Variants in RYR2 observed in about 807,000 individuals in gnomAD.
RYR2 encodes the protein ryanodine receptor 2, also known as cardiac muscle ryanodine receptor-calcium release channel.
In RYR2, 227 loss-of-function variants were observed where a neutral mutation model predicts 601.1. That is an observed-to-expected ratio of 0.38 (90% CI 0.34 to 0.42). The LOEUF is 0.42. RYR2 is among the 10% of genes least tolerant of loss of function. RYR2 has a pLI of 1.00. For missense variants in RYR2, 4,646 were observed against 6,156.5 expected (o/e 0.75, Z 8.21); for synonymous variants, 2,223 against 2,175.1 (o/e 1.02, Z -0.61).
rs899597750 is a variant in RYR2, at chr1:237,517,411, C to G, written c.2822+5620C>G. ...TCCTTCTAGACCAGGGGTGTCCAATCTTTTTGCTTCCCTGGGCCACATTGG... is the reference window on the plus strand; with the variant it reads ...TCCTTCTAGACCAGGGGTGTCCAATGTTTTTGCTTCCCTGGGCCACATTGG... On this transcript the variant is annotated intron_variant, in intron 24 of 104. Coordinates refer to ENST00000366574, the MANE Select transcript of RYR2 (RefSeq NM_001035.3). Among the ~76,000 whole-genome samples, 3 of 152,326 alleles carry G rather than the reference C, an allele frequency of 2.0e-5. No individual in the cohort carries two copies. The South Asian group carries it at 6.2e-4, about 32-fold the overall frequency.
chr1:237,593,647 C>G lies in RYR2; in HGVS notation c.4436+11C>G. The G allele has an allele frequency of 6.2e-7, 1 of 1,612,834 alleles. No individual in the cohort carries two copies. Among genetic ancestry groups the G allele is most frequent in the Non-Finnish European group, 8.5e-7 (1 of 1,179,372 alleles). ...AAAAGTGCATGAAAGGTTAGTTTTCCTCAATTTTTTGCAAGAATGACATGT... is the reference window on the plus strand; with the variant it reads ...AAAAGTGCATGAAAGGTTAGTTTTCGTCAATTTTTTGCAAGAATGACATGT... On this transcript the variant is annotated intron_variant, in intron 33 of 104. Transcript: ENST00000366574.
chr1:237,430,493 G>T (rs1706697647), intron 12 of RYR2, among the ~76,000 whole-genome samples: 1 of 151,916 alleles, frequency 6.6e-6, no homozygotes. Context: ...AGTTGTGGAA[G>T]GATATACACT....
At chr1:237,139,706 T>C (rs1369583057) in intron 1 of RYR2, among the ~76,000 whole-genome samples, 1 of 152,234 alleles carries the variant, frequency 6.6e-6, no homozygotes, top group Non-Finnish European at 1.5e-5. Flanking sequence ...TCACCTCTTC[T>C]GGCATGCCTA....
chr1:237,655,593 A>AT (rs1683167498), intron 52 of RYR2, among the ~76,000 whole-genome samples: 1 of 152,170 alleles, frequency 6.6e-6, no homozygotes, highest in Non-Finnish European at 1.5e-5. Flanking sequence ...AGAGTCAAAG[A>AT]TTTTATTCTC....
intron 34 of RYR2, among the ~76,000 whole-genome samples, chr1:237,597,310 A>T (rs1214579268): frequency 8.2e-5 from 12 of 145,982 alleles, no homozygotes; most frequent in African/African-American, 2.5e-4. Flanking sequence ...TTTTTTTTTG[A>T]GACAGAGTCT....
At chr1:237,248,887 G>C (rs910018776) in intron 1 of RYR2, among the ~76,000 whole-genome samples, 1 of 151,272 alleles carries the variant, frequency 6.6e-6, no homozygotes, top group Non-Finnish European at 1.5e-5. Context: ...TCAGCCTCCT[G>C]AGTAGCTGGG....
At chr1:237,334,368 T>C (rs962566433) in intron 3 of RYR2, among the ~76,000 whole-genome samples, 1 of 151,856 alleles carries the variant, frequency 6.6e-6, no homozygotes, top group Non-Finnish European at 1.5e-5. Context: ...AAATAACTCA[T>C]ATTTTTGTGG....
At chr1:237,717,539 A>G (rs1293189586) in intron 72 of RYR2, among the ~76,000 whole-genome samples, 171 bp downstream of exon 72, 1 of 152,144 alleles carries the variant, frequency 6.6e-6, no homozygotes, top group East Asian at 1.9e-4. Context: ...TCTTTTTTTG[A>G]GGCTGTTTTT....
At position 237,207,569 on chromosome 1, in the gene RYR2, C is replaced by T. The variant is rs192606055; in HGVS notation, c.49-62928C>T. On this transcript the variant is annotated intron_variant, in intron 1 of 104. Coordinates refer to ENST00000366574, the MANE Select transcript of RYR2 (RefSeq NM_001035.3). The stretch of plus-strand genomic sequence containing the variant: ...CGACAGAGCAGGAGGCTTCATGCAG[C>T]CTTCATCTTCTTTTGCCCTTCTGCC... Among the ~76,000 whole-genome samples the T allele has an allele frequency of 6.6e-4, 100 of 152,242 alleles. 1 individual carries two copies. Among genetic ancestry groups the T allele is most frequent in the African/African-American group, 2.2e-3 (93 of 41,550 alleles).
At chr1:237,357,949 G>T (rs1699442895) in intron 4 of RYR2, among the ~76,000 whole-genome samples, 1 of 152,164 alleles carries the variant, frequency 6.6e-6, no homozygotes, top group Admixed American at 6.5e-5. Context: ...AAATGTTGCA[G>T]CAAATTTTAG....
chr1:237,672,049 A>G (rs1684995749), intron 58 of RYR2, among the ~76,000 whole-genome samples: 1 of 152,110 alleles, frequency 6.6e-6, no homozygotes, highest in South Asian at 2.1e-4. Flanking sequence ...TCAGCACAAG[A>G]TGTCTACACC....
At chr1:237,806,089 T>A (rs769546262) in intron 98 of RYR2, 48 bp from the exon 99 acceptor site, 2 of 1,557,898 alleles carry the variant, frequency 1.3e-6, no homozygotes, top group Non-Finnish European at 1.8e-6. Context: ...ACAATAGTCA[T>A]GCGTTCTGTT....
At chr1:237,142,027 C>A (rs1303876897) in intron 1 of RYR2, among the ~76,000 whole-genome samples, 3 of 152,230 alleles carry the variant, frequency 2.0e-5, no homozygotes, top group Non-Finnish European at 4.4e-5. Context: ...TTACAGCCAG[C>A]CAATCAGATA....
intron 10 of RYR2, among the ~76,000 whole-genome samples, chr1:237,411,865 A>G (rs951164405): frequency 6.6e-6 from 1 of 152,172 alleles, no homozygotes; most frequent in African/African-American, 2.4e-5. Context: ...CTGTGGCAGC[A>G]CTCACAATGA....
rs780949229 is a variant in RYR2 at position 237,548,552 on chromosome 1, G to A, written c.3028G>A (p.Asp1010Asn). The change falls in exon 26 of 105, where the codon GAT becomes AAT. Residue 1010 changes from aspartate (D) to asparagine (N), a missense_variant. Around this residue, in one of 17 missense-constraint regions of RYR2, gnomAD observed 1,807 missense variants for 2,088.1 expected, o/e 0.87. Transcript: ENST00000366574. The stretch of plus-strand genomic sequence containing the variant: ...AAATGCACATAATGTGTGGGCGCGG[G>A]ATCGAATCCGGCAGGGCTGGACTTA... ...AENAHNVWAR[D>N]RIRQGWTYGI... The A allele has an allele frequency of 3.1e-6, 5 of 1,613,980 alleles. No individual in the cohort carries two copies. The highest frequency in any genetic ancestry group is 4.2e-6 in the Non-Finnish European group (5 of 1,179,882).
intron 16 of RYR2, among the ~76,000 whole-genome samples, chr1:237,457,049 C>A (rs1658921038): frequency 6.6e-6 from 1 of 152,128 alleles, no homozygotes; most frequent in Admixed American, 6.5e-5. Flanking sequence ...GTATTAAAAT[C>A]CATCTCTGAG....
Position 237,423,212 on chromosome 1 carries a change from T to C in RYR2, c.969T>C (p.Asp323=). The C allele has an allele frequency of 6.2e-7, 1 of 1,613,754 alleles. No homozygotes were observed. Residue 323 remains aspartate, a synonymous_variant, in exon 12 of 105, where the codon GAT becomes GAC. Transcript: ENST00000366574. ...TACTCATGGACAAAGAGAAAGCTGA[T>C]GTAAAATCAACAGCATTTACCTTCC... The part of the protein sequence containing the change: ...NLLLMDKEKA[D]VKSTAFTFRS...
intron 25 of RYR2, among the ~76,000 whole-genome samples, chr1:237,545,283 C>A (rs777632388): frequency 6.6e-6 from 1 of 152,222 alleles, no homozygotes; most frequent in Non-Finnish European, 1.5e-5. Flanking sequence ...CATAACTTGT[C>A]TATAAGTTTT....
At chr1:237,046,966 G>A (rs1660676482) in intron 1 of RYR2, among the ~76,000 whole-genome samples, 1 of 152,142 alleles carries the variant, frequency 6.6e-6, no homozygotes, top group Non-Finnish European at 1.5e-5. Flanking sequence ...GCAATCAGAA[G>A]GAAAAATGCA....
Sources: allele counts gnomAD v4.1 joint callset (sites outside exome capture counted in the v4.1 genomes callset), GRCh38; gene constraint gnomAD v4.1.1; regional missense constraint gnomAD v4.1.1; transcripts MANE v1.5; gene names NCBI Gene and HGNC (gene_info 2026-07-23, HGNC 2026-07-21).